The following PRICKLE2 variants were observed in gnomAD, a reference collection of about 807,000 sequenced individuals.
The protein encoded by PRICKLE2 is prickle planar cell polarity protein 2, also known as prickle-like protein 2.
In PRICKLE2, 21 loss-of-function variants were observed where a neutral mutation model predicts 81.4. That is an observed-to-expected ratio of 0.26 (90% CI 0.18 to 0.37). The LOEUF (loss-of-function observed/expected upper bound fraction) is 0.37. Among genes scored for constraint, PRICKLE2 ranks in the 10% least tolerant of loss-of-function variants. The pLI is 1.00. For synonymous variants in PRICKLE2, 456 were observed against 421.5 expected (o/e 1.08, Z -1.00); for missense variants, 940 against 1,109.0 (o/e 0.85, Z 2.16).
intron 2 of PRICKLE2, among the ~76,000 whole-genome samples, chr3:64,190,605 G>A (rs557082558): frequency 1.3e-4 from 20 of 152,208 alleles, no homozygotes; most frequent in African/African-American, 4.8e-4. Flanking sequence ...AAGCCCAATG[G>A]CCATTTCCTT....
upstream of PRICKLE2, among the ~76,000 whole-genome samples, chr3:64,228,142 C>T (rs2079054708): frequency 6.6e-6 from 1 of 151,530 alleles, no homozygotes; most frequent in Non-Finnish European, 1.5e-5. Context: ...ATTCATATAT[C>T]CATTCACTCA....
intron 5 of PRICKLE2, among the ~76,000 whole-genome samples, chr3:64,155,869 G>A (rs1238213721): frequency 1.3e-5 from 2 of 152,164 alleles, no homozygotes; most frequent in East Asian, 3.8e-4. Context: ...GCTAGGGAAA[G>A]GGGGAAATGA....
rs527644616 is a variant in PRICKLE2, at chr3:64,256,546, A to T, written c.129-57579T>A. Among the ~76,000 whole-genome samples, 15 of 152,322 alleles carry T rather than the reference A, an allele frequency of 9.8e-5. No homozygotes were observed. In the South Asian group the frequency reaches 2.9e-3, roughly 29 times the overall value. On this transcript the variant is annotated intron_variant, in intron 2 of 8. Transcript: ENST00000295902. Reference sequence around the variant, plus strand: ...CCCATGATGTAGAAAAGTCTCCAACATGCTGCTGATCATAAAGAAAATAAC... The same window carrying T: ...CCCATGATGTAGAAAAGTCTCCAACTTGCTGCTGATCATAAAGAAAATAAC...
intron 1 of PRICKLE2, among the ~76,000 whole-genome samples, chr3:64,201,158 T>C (rs2078570331): frequency 6.6e-6 from 1 of 151,702 alleles, no homozygotes; most frequent in African/African-American, 2.4e-5. Context: ...CTTGATCTCC[T>C]GACCTCGTGA....
At chr3:64,228,540 T>C (rs2079059904), upstream of PRICKLE2, among the ~76,000 whole-genome samples, 1 of 151,892 alleles carries the variant, frequency 6.6e-6, no homozygotes, top group South Asian at 2.1e-4. Context: ...TGAGGTGTTT[T>C]TTTTTTTACA....
At chr3:64,105,634 G>A (rs909523150) in intron 7 of PRICKLE2, 3 of 152,166 alleles carry the variant, frequency 2.0e-5, no homozygotes, top group African/African-American at 7.2e-5. Flanking sequence ...TAAAGTCAAA[G>A]TACACGTGAT....
chr3:64,112,977 C>A (rs1488651442), intron 7 of PRICKLE2, among the ~76,000 whole-genome samples: 1 of 152,088 alleles, frequency 6.6e-6, no homozygotes, highest in African/African-American at 2.4e-5. Context: ...ACATAGAAAT[C>A]TGGGAACCCT....
chr3:64,220,365 T>C (rs1447256226), intron 1 of PRICKLE2, among the ~76,000 whole-genome samples: 5 of 152,098 alleles, frequency 3.3e-5, no homozygotes, highest in African/African-American at 7.2e-5. Context: ...TTGAAGACAA[T>C]AGCACTCCCA....
Position 64,146,824 on chromosome 3 carries a change from A to G in PRICKLE2, c.1660+6T>C. 1 of 1,614,000 alleles carries G rather than the reference A, an allele frequency of 6.2e-7. No homozygotes were observed. The highest frequency in any genetic ancestry group is 2.2e-5 in the East Asian group (1 of 44,862). On this transcript the variant is annotated splice_donor_region_variant and intron_variant, in intron 7 of 7. Coordinates refer to ENST00000638394, the MANE Select transcript of PRICKLE2 (RefSeq NM_198859.4). ...TCTATCTGTTTTCAAGGTGAACAGA[A>G]CCTACCTGTTGCATTAGACAGGGCC...
rs1418260909 is a variant in PRICKLE2, at chr3:64,096,383, T to A, written c.*2668A>T. 2 of 152,242 alleles carry A rather than the reference T, an allele frequency of 1.3e-5. No homozygotes were observed. Among genetic ancestry groups the A allele is most frequent in the Non-Finnish European group, 1.5e-5 (1 of 68,002 alleles). 9.4% of individuals were successfully genotyped at this position (152,242 alleles called of 1,614,324 possible). On this transcript the variant is annotated 3_prime_UTR_variant, in exon 8 of 8. Coordinates refer to ENST00000638394, the MANE Select transcript of PRICKLE2 (RefSeq NM_198859.4). Reference sequence around the variant, plus strand: ...AGGAAATAATGCATTGGGAGTGGGATTCTGGGATGTGATGTGTGAGCTATC... The same window carrying A: ...AGGAAATAATGCATTGGGAGTGGGAATCTGGGATGTGATGTGTGAGCTATC...
At chr3:64,151,165 G>A (rs1490807060) in intron 6 of PRICKLE2, among the ~76,000 whole-genome samples, 1 of 152,230 alleles carries the variant, frequency 6.6e-6, no homozygotes, top group Non-Finnish European at 1.5e-5. Context: ...GTACAGTATG[G>A]TCAGAGGTAA....
chr3:64,219,750 A>G (rs1348746075), intron 1 of PRICKLE2, among the ~76,000 whole-genome samples: 1 of 152,198 alleles, frequency 6.6e-6, no homozygotes, highest in Non-Finnish European at 1.5e-5. Context: ...TCCCCAGGGG[A>G]CATTATAATG....
intron 2 of PRICKLE2, among the ~76,000 whole-genome samples, chr3:64,241,106 A>G (rs967535320): frequency 1.4e-4 from 21 of 152,230 alleles, no homozygotes; most frequent in Non-Finnish European, 3.1e-4. Flanking sequence ...GCTGTCATAG[A>G]ATGCAAGCTG....
At chr3:64,211,593 A>T (rs895430143) in intron 1 of PRICKLE2, among the ~76,000 whole-genome samples, 3 of 152,210 alleles carry the variant, frequency 2.0e-5, no homozygotes, top group Non-Finnish European at 4.4e-5. Flanking sequence ...AAGCAGCACA[A>T]ATGTGGCAAA....
intron 2 of PRICKLE2, among the ~76,000 whole-genome samples, chr3:64,261,768 T>G (rs555279674): frequency 6.6e-6 from 1 of 152,198 alleles, no homozygotes; most frequent in East Asian, 1.9e-4. Flanking sequence ...AAGATGCCCT[T>G]GAGAGGTAGG....
At chr3:64,183,016 G>A (rs1281326774) in intron 2 of PRICKLE2, among the ~76,000 whole-genome samples, 1 of 152,126 alleles carries the variant, frequency 6.6e-6, no homozygotes, top group Non-Finnish European at 1.5e-5. Flanking sequence ...TCAATTAAAA[G>A]ATGGATTATC....
chr3:64,195,546 C>G (rs11715654), intron 2 of PRICKLE2, among the ~76,000 whole-genome samples: 17,912 of 152,170 alleles, frequency 0.12, 1,230 homozygotes, highest in East Asian at 0.19. Flanking sequence ...TTTTTACACT[C>G]ACTATAATTT....
At chr3:64,106,152 T>A (rs968886839) in intron 7 of PRICKLE2, 1 of 152,330 alleles carries the variant, frequency 6.6e-6, no homozygotes, top group East Asian at 1.9e-4. Flanking sequence ...AGACTGTGAA[T>A]GCCCTCCAGA....
chr3:64,199,959 C>T (rs1282425214), intron 1 of PRICKLE2: 3 of 152,168 alleles, frequency 2.0e-5, no homozygotes, highest in East Asian at 1.9e-4. Flanking sequence ...TGTGCCTGAA[C>T]GTTCTGATAA....
Sources: allele counts gnomAD v4.1 joint callset (sites outside exome capture counted in the v4.1 genomes callset), GRCh38; gene constraint gnomAD v4.1.1; transcripts MANE v1.5; gene names NCBI Gene and HGNC (gene_info 2026-07-23, HGNC 2026-07-21).